The following TTC28 variants were observed in gnomAD, a reference collection of about 807,000 sequenced individuals.
TTC28 encodes the protein tetratricopeptide repeat domain 28.
Under a neutral mutation model 198.0 loss-of-function variants are expected in TTC28, and 61 were observed. The ratio of observed to expected loss-of-function variants is 0.31; its 90% CI spans 0.25 to 0.38. The LOEUF is 0.38. Ranked by LOEUF, TTC28 falls within the 10% of genes least tolerant of loss-of-function variation. The pLI, the probability that TTC28 is intolerant of heterozygous loss-of-function variation, is 1.00. For missense variants in TTC28, 2,678 were observed against 3,164.0 expected, an observed-to-expected ratio of 0.85 and a Z score of 3.69; for synonymous variants, 1,171 against 1,297.8, an observed-to-expected ratio of 0.90 and a Z score of 2.10.
chr22:28,107,575 T>C lies in TTC28; in HGVS notation c.2270A>G (p.Tyr757Cys). The change falls in exon 7 of 23, where the codon TAT (tyrosine) becomes TGT (cysteine). Residue 757 changes from tyrosine (Y) to cysteine (C), a missense_variant. By Grantham distance (194) the Tyr-to-Cys change is radical (BLOSUM62 -2). Transcript: ENST00000397906. ...TCGGTATGCAGTGCCCAGGGCTGCA[T>C]ATGCACTGGCTTCTAATCTTCTGTC... ...VKDRRLEASA[Y>C]AALGTAYRMI... The C allele has an allele frequency of 1.3e-6, 2 of 1,551,814 alleles. No individual in the cohort carries two copies. Among genetic ancestry groups the C allele is most frequent in the South Asian group, 1.2e-5 (1 of 84,054 alleles).
intron 5 of TTC28, among the ~76,000 whole-genome samples, chr22:28,288,313 T>C (rs2044723639): frequency 6.6e-6 from 1 of 152,210 alleles, no homozygotes; most frequent in African/African-American, 2.4e-5. Flanking sequence ...AACAACTCTT[T>C]ACATTGCTGA....
At chr22:28,312,661 A>G (rs746561194) in intron 2 of TTC28, among the ~76,000 whole-genome samples, 6 of 152,214 alleles carry the variant, frequency 3.9e-5, no homozygotes, top group Non-Finnish European at 5.9e-5. Flanking sequence ...CTTTGAAACC[A>G]ATGAGAACAA....
At chr22:28,670,704 C>CATACATATATATAT (rs1555909582) in intron 1 of TTC28, among the ~76,000 whole-genome samples, 4 of 128,554 alleles carry the variant, frequency 3.1e-5, no homozygotes, top group African/African-American at 1.2e-4. Flanking sequence ...GTCTTTAGGG[C>CATACATATATATAT]ATATATATAT....
At chr22:28,644,337 T>C (rs907148841) in intron 1 of TTC28, among the ~76,000 whole-genome samples, 2 of 146,838 alleles carry the variant, frequency 1.4e-5, no homozygotes, top group African/African-American at 2.6e-5. Flanking sequence ...AGGCGGAGGT[T>C]GCAGTGAGCC....
Position 28,377,258 on chromosome 22 carries a change from T to TA in TTC28, c.382-70616dup, listed in dbSNP as rs749519272. On this transcript the variant is annotated intron_variant, in intron 2 of 22. Coordinates refer to ENST00000397906, the MANE Select transcript of TTC28 (RefSeq NM_001145418.2). ...ACTAGGACATAATATATTCTAAAGT[T>TA]AAAAAAAAAAAAACCTTGTAATACA... 8.6e-3 allele frequency among the ~76,000 whole-genome samples: 1,199 copies of TA among 138,728 alleles called. 11 individuals carry two copies. The highest frequency in any genetic ancestry group is 0.024 in the African/African-American group (926 of 37,990). The allele number at this position is 138,728 out of a possible 152,430, so 91.0% of individuals were successfully genotyped here.
At chr22:28,622,500 G>GA (rs1253041430) in intron 2 of TTC28, among the ~76,000 whole-genome samples, 1 of 151,446 alleles carries the variant, frequency 6.6e-6, no homozygotes, top group Non-Finnish European at 1.5e-5. Flanking sequence ...ATCAACTCTA[G>GA]AAAGTATTCA....
intron 5 of TTC28, among the ~76,000 whole-genome samples, chr22:28,243,166 C>G (rs1467624132): frequency 2.2e-5 from 2 of 89,416 alleles, no homozygotes; most frequent in Non-Finnish European, 4.4e-5. Context: ...GGCAAAACCC[C>G]CTCTCTACAA....
intron 6 of TTC28, 28 bp from the exon 7 acceptor site, chr22:28,108,431 A>G (rs1281500994): frequency 7.1e-7 from 1 of 1,413,648 alleles, no homozygotes; most frequent in East Asian, 2.6e-5. Flanking sequence ...AGAACAGACT[A>G]AGACTGAAAT....
chr22:28,355,664 A>G (rs2046066535), intron 2 of TTC28, among the ~76,000 whole-genome samples: 3 of 152,370 alleles, frequency 2.0e-5, no homozygotes, highest in African/African-American at 7.2e-5. Context: ...ATTCATTCCA[A>G]TTCCTCAAGG....
chr22:28,475,003 C>A lies in TTC28; in HGVS notation c.381+154549G>T, dbSNP rs191377901. Among the ~76,000 whole-genome samples, 96 of 151,632 alleles carry A rather than the reference C, an allele frequency of 6.3e-4. 1 individual carries two copies. Among genetic ancestry groups the A allele is most frequent in the Admixed American group, 5.1e-3 (78 of 15,242 alleles). ...TTGAATGAAAAAGGAACAGGCTTTA[C>A]TAAAAAAGAACATTAAGAAAACAAA... is the stretch of plus-strand genomic sequence containing the variant. On this transcript the variant is annotated intron_variant, in intron 2 of 22. Transcript: ENST00000397906.
chr22:28,233,753 T>C (rs1404083011), intron 5 of TTC28, among the ~76,000 whole-genome samples: 1 of 152,160 alleles, frequency 6.6e-6, no homozygotes, highest in Non-Finnish European at 1.5e-5. Context: ...AGGACCTTTT[T>C]TGTTTTTTGG....
chr22:28,352,600 C>T (rs1352527276), intron 2 of TTC28, among the ~76,000 whole-genome samples: 1 of 151,996 alleles, frequency 6.6e-6, no homozygotes, highest in Admixed American at 6.6e-5. Flanking sequence ...AGTCATTAGC[C>T]TCAACCACTT....
intron 2 of TTC28, among the ~76,000 whole-genome samples, chr22:28,412,366 G>T (rs2146138761): frequency 6.6e-6 from 1 of 152,226 alleles, no homozygotes; most frequent in African/African-American, 2.4e-5. Context: ...GGGGGCGGGG[G>T]GAGAGGGCAG....
chr22:28,454,842 C>T (rs1391121108), intron 2 of TTC28, among the ~76,000 whole-genome samples: 1 of 152,178 alleles, frequency 6.6e-6, no homozygotes, highest in African/African-American at 2.4e-5. Context: ...ACAGAAATAA[C>T]AAGCTCAGAG....
chr22:28,418,664 A>T (rs925296774), intron 2 of TTC28, among the ~76,000 whole-genome samples: 2 of 152,222 alleles, frequency 1.3e-5, no homozygotes, highest in African/African-American at 4.8e-5. Flanking sequence ...TTTATTGTGT[A>T]GTACTCTCCA....
intron 5 of TTC28, among the ~76,000 whole-genome samples, chr22:28,256,718 A>C (rs1448829194): frequency 6.6e-6 from 1 of 152,226 alleles, no homozygotes; most frequent in Non-Finnish European, 1.5e-5. Flanking sequence ...ACTGGTAAAA[A>C]ACAATGACAA....
intron 6 of TTC28, among the ~76,000 whole-genome samples, chr22:28,154,000 AC>A (rs1378420184): frequency 2.0e-5 from 3 of 152,146 alleles, no homozygotes; most frequent in African/African-American, 7.2e-5. Flanking sequence ...ATACTAAGTC[AC>A]CTTCATCAGA....
intron 12 of TTC28, among the ~76,000 whole-genome samples, chr22:28,077,068 T>C (rs1267967629): frequency 1.3e-5 from 2 of 152,256 alleles, no homozygotes; most frequent in Non-Finnish European, 2.9e-5. Flanking sequence ...TTCTATTATG[T>C]AGCCACTATC....
intron 2 of TTC28, among the ~76,000 whole-genome samples, chr22:28,441,666 A>G (rs2047623924): frequency 6.6e-6 from 1 of 152,174 alleles, no homozygotes. Context: ...ATATCTTCTC[A>G]TGCACCTCAC....
Sources: gnomAD v4.1 joint callset for allele counts (sites outside exome capture counted in the v4.1 genomes callset) on GRCh38, gnomAD v4.1.1 for gene constraint, MANE v1.5 for transcripts, NCBI Gene and HGNC (gene_info 2026-07-23, HGNC 2026-07-21) for gene names.